Variants in WFDC10B observed in about 807,000 individuals in gnomAD.
WFDC10B encodes WAP four-disulfide core domain 10B, also known as protein WFDC10B.
WFDC10B carries 1 observed loss-of-function variant against 2.7 expected under a neutral mutation model. That is an observed-to-expected ratio of 0.38 (90% CI 0.13 to 1.79). The LOEUF is 1.79. Among genes scored for constraint, WFDC10B ranks in the 40% most tolerant of loss-of-function variants. The probability of loss-of-function intolerance (pLI) is 0.33; values close to 1 mark genes in which losing one functional copy is unlikely to be tolerated. For synonymous variants in WFDC10B, 26 were observed against 32.2 expected (o/e 0.81, Z 0.65); for missense variants, 71 against 87.8 (o/e 0.81, Z 0.76).
chr20:45,688,355 A>T (rs1983699964), intron 2 of WFDC10B, among the ~76,000 whole-genome samples: 1 of 152,068 alleles, frequency 6.6e-6, no homozygotes, highest in Non-Finnish European at 1.5e-5. Flanking sequence ...GTGTCTTTAT[A>T]GCAGCATTAT....
At chr20:45,697,248 A>G (rs530806642) in intron 2 of WFDC10B, among the ~76,000 whole-genome samples, 3 of 152,368 alleles carry the variant, frequency 2.0e-5, no homozygotes, top group Admixed American at 6.5e-5. Flanking sequence ...TTGATTTACA[A>G]CAGGCTATGA....
intron 1 of WFDC10B, 134 bp downstream of exon 1, chr20:45,704,784 C>A: frequency 7.8e-7 from 1 of 1,288,236 alleles, no homozygotes; most frequent in South Asian, 1.3e-5. Flanking sequence ...AAGCCCTCCT[C>A]CCCTCCCAAT....
intron 2 of WFDC10B, among the ~76,000 whole-genome samples, chr20:45,691,668 T>G (rs985115591): frequency 6.6e-6 from 1 of 152,112 alleles, no homozygotes; most frequent in Non-Finnish European, 1.5e-5. Context: ...ACCCCTGCCT[T>G]TTTTTATTTT....
At chr20:45,685,069 A>C in intron 3 of WFDC10B, 109 bp from the exon 4 acceptor site, 1 of 1,369,172 alleles carries the variant, frequency 7.3e-7, no homozygotes, top group Non-Finnish European at 9.9e-7. Flanking sequence ...TGCCACCACG[A>C]CTCTCCTGGA....
At chr20:45,702,136 C>T (rs759785112) in intron 2 of WFDC10B, 31 of 1,613,244 alleles carry the variant, frequency 1.9e-5, no homozygotes, top group Non-Finnish European at 2.5e-5. Flanking sequence ...GAAGCCTGTG[C>T]TGCCTCTCCA....
chr20:45,696,841 T>C (rs903430756), intron 2 of WFDC10B, among the ~76,000 whole-genome samples: 7 of 152,164 alleles, frequency 4.6e-5, no homozygotes, highest in African/African-American at 1.7e-4. Flanking sequence ...TACCAAACAT[T>C]TTTTTATTAA....
At chr20:45,701,976 C>A (rs1037088981) in intron 2 of WFDC10B, 23 of 675,126 alleles carry the variant, frequency 3.4e-5, no homozygotes, top group Non-Finnish European at 5.6e-5. Context: ...TGGATTCCTG[C>A]CCTGCCGGTT....
At chr20:45,691,483 T>C (rs1354484291) in intron 2 of WFDC10B, among the ~76,000 whole-genome samples, 3 of 149,356 alleles carry the variant, frequency 2.0e-5, no homozygotes, top group Non-Finnish European at 2.9e-5. Context: ...AGTCTCTTTG[T>C]AGGTCACTCA....
At chr20:45,685,462 C>G (rs940911257) in intron 3 of WFDC10B, among the ~76,000 whole-genome samples, 2 of 152,106 alleles carry the variant, frequency 1.3e-5, no homozygotes, top group Non-Finnish European at 1.5e-5. Context: ...TTAACTTTGC[C>G]CTGTATACTC....
At chr20:45,702,247 CAT>C (rs750379478) in intron 2 of WFDC10B, 74 of 1,586,788 alleles carry the variant, frequency 4.7e-5, no homozygotes, top group African/African-American at 6.7e-5. Context: ...AGGGAAGTAA[CAT>C]GTGTGGATAG....
At chr20:45,699,600 T>C (rs2145641932) in intron 2 of WFDC10B, among the ~76,000 whole-genome samples, 1 of 152,370 alleles carries the variant, frequency 6.6e-6, no homozygotes, top group South Asian at 2.1e-4. Context: ...CACAGTCACA[T>C]TGTTGGTGGC....
At chr20:45,687,840 T>C (rs1372974899) in intron 2 of WFDC10B, among the ~76,000 whole-genome samples, 2 of 150,490 alleles carry the variant, frequency 1.3e-5, no homozygotes, top group African/African-American at 2.4e-5. Flanking sequence ...CACTTTTTAA[T>C]GGGATTGCTT....
chr20:45,697,050 A>G (rs1393188441), intron 2 of WFDC10B, among the ~76,000 whole-genome samples: 1 of 152,206 alleles, frequency 6.6e-6, no homozygotes, highest in Non-Finnish European at 1.5e-5. Context: ...CTTTCTCCCA[A>G]GATCAGAAAT....
intron 2 of WFDC10B, 145 bp downstream of exon 2, chr20:45,704,352 C>A: frequency 6.6e-7 from 1 of 1,504,782 alleles, no homozygotes; most frequent in Non-Finnish European, 8.9e-7. Flanking sequence ...ATGAGGGTGG[C>A]AGGTTTCCTG....
chr20:45,691,354 C>A (rs528613692), intron 2 of WFDC10B, among the ~76,000 whole-genome samples: 1 of 150,988 alleles, frequency 6.6e-6, no homozygotes, highest in African/African-American at 2.4e-5. Context: ...CTATTAGGTC[C>A]GCTTGGTGCA....
rs1243582099 is a variant in WFDC10B at position 45,684,654 on chromosome 20, A to C, written c.*176T>G. 2.3e-5 allele frequency: 18 copies of C among 780,418 alleles called. No homozygotes were observed. In the East Asian group the frequency reaches 4.4e-4, roughly 19 times the overall value. 48.3% of individuals were successfully genotyped at this position (780,418 alleles called of 1,614,324 possible). A position where few individuals can be genotyped will look rare whatever the true frequency, so the allele number is the denominator to read the frequency against. On this transcript the variant is annotated 3_prime_UTR_variant, in exon 4 of 4. Coordinates refer to ENST00000330523, the MANE Select transcript of WFDC10B (RefSeq NM_172006.2). ...AGTGGCAGCAAAAGAGGCAGGATCCATGGGCATTTGTTCTGGTTTATTTGA... is the reference window on the plus strand; with the variant it reads ...AGTGGCAGCAAAAGAGGCAGGATCCCTGGGCATTTGTTCTGGTTTATTTGA...
intron 2 of WFDC10B, among the ~76,000 whole-genome samples, chr20:45,697,676 G>A (rs987616822): frequency 6.6e-6 from 1 of 150,428 alleles, no homozygotes; most frequent in Non-Finnish European, 1.5e-5. Flanking sequence ...TATATTGGAA[G>A]ACTTAAAATT....
intron 2 of WFDC10B, among the ~76,000 whole-genome samples, chr20:45,697,704 A>G (rs1984019950): frequency 6.7e-6 from 1 of 149,892 alleles, no homozygotes. Context: ...CGGCATTACA[A>G]TGCAATTCCA....
intron 2 of WFDC10B, among the ~76,000 whole-genome samples, chr20:45,704,208 A>G (rs571931799): frequency 1.6e-4 from 24 of 152,324 alleles, no homozygotes; most frequent in African/African-American, 4.8e-4. Context: ...TGAATGACCA[A>G]TGGGTGCAGG....
Sources: allele counts gnomAD v4.1 joint callset (sites outside exome capture counted in the v4.1 genomes callset), GRCh38; gene constraint gnomAD v4.1.1; transcripts MANE v1.5; gene names NCBI Gene and HGNC (gene_info 2026-07-23, HGNC 2026-07-21).